VCL: variants seen among roughly 807,000 people sequenced by gnomAD.
The protein encoded by VCL is vinculin.
A neutral mutation model predicts 125.7 loss-of-function variants in VCL; 47 were observed. That is an observed-to-expected ratio of 0.37 (90% CI 0.30 to 0.48). VCL has a LOEUF of 0.48. VCL is among the 20% of genes least tolerant of loss of function. The pLI, the probability that VCL is intolerant of heterozygous loss-of-function variation, is 0.99. For missense variants in VCL, 1,069 were observed against 1,455.5 expected (o/e 0.73, Z 4.32); for synonymous variants, 458 against 514.6 (o/e 0.89, Z 1.49).
rs566961713 is a variant in VCL, at chr10:74,089,212, C to G, written c.1039C>G (p.Pro347Ala). The G allele has an allele frequency of 6.2e-7, 1 of 1,614,026 alleles. No homozygotes were observed. Among genetic ancestry groups the G allele is most frequent in the East Asian group, 2.2e-5 (1 of 44,872 alleles). ...TTTGAGCAGAGGACAAGGATCCTCACCGGTGGCCATGCAGAAAGCTCAGCA... is the reference window on the plus strand; with the variant it reads ...TTTGAGCAGAGGACAAGGATCCTCAGCGGTGGCCATGCAGAAAGCTCAGCA... The part of the protein sequence containing the change: ...DLRARGQGSS[P>A]VAMQKAQQVS... Residue 347 changes from proline (P) to alanine (A), a missense_variant, in exon 9 of 22, where the codon CCG (proline) becomes GCG (alanine). By Grantham distance (27) the Pro-to-Ala change is conservative. Transcript: ENST00000211998.
chr10:74,088,433 T>C (rs1477028079), intron 8 of VCL, among the ~76,000 whole-genome samples: 1 of 152,220 alleles, frequency 6.6e-6, no homozygotes, highest in Non-Finnish European at 1.5e-5. Context: ...CGATTATTTA[T>C]ATATTTATAG....
At chr10:74,114,438 CGTGTGT>C in intron 20 of VCL, 51 bp downstream of exon 20, 8 of 1,078,572 alleles carry the variant, frequency 7.4e-6, no homozygotes, top group South Asian at 1.5e-5. Context: ...TGTGTGTGTG[CGTGTGT>C]GTGTGTGTTG....
chr10:74,102,890 G>A (rs924458613), intron 14 of VCL, among the ~76,000 whole-genome samples: 4 of 151,166 alleles, frequency 2.6e-5, no homozygotes, highest in African/African-American at 4.9e-5. Context: ...TTTCCGAGAC[G>A]GAGTCTTGCT....
At chr10:74,058,315 T>C (rs1394394771) in intron 2 of VCL, among the ~76,000 whole-genome samples, 1 of 152,152 alleles carries the variant, frequency 6.6e-6, no homozygotes, top group Non-Finnish European at 1.5e-5. Context: ...TTTGATCAGA[T>C]ATGTTTGTGG....
chr10:74,067,793 G>A (rs957568592), intron 2 of VCL, among the ~76,000 whole-genome samples: 2 of 152,222 alleles, frequency 1.3e-5, no homozygotes, highest in African/African-American at 2.4e-5. Context: ...CAAATCCAGT[G>A]AGACAGAAAG....
chr10:74,081,327 G>A (rs188459474), intron 6 of VCL, among the ~76,000 whole-genome samples: 2 of 152,260 alleles, frequency 1.3e-5, no homozygotes, highest in African/African-American at 4.8e-5. Flanking sequence ...AACTATGGGT[G>A]CTGCCAATGC....
intron 18 of VCL, among the ~76,000 whole-genome samples, chr10:74,110,632 T>C (rs981472669): frequency 2.0e-5 from 3 of 152,240 alleles, no homozygotes; most frequent in African/African-American, 7.2e-5. Context: ...TTAGATGGTA[T>C]CTGAACCCCT....
intron 6 of VCL, among the ~76,000 whole-genome samples, chr10:74,081,908 TG>T (rs1839679768): frequency 1.3e-5 from 2 of 152,364 alleles, no homozygotes; most frequent in South Asian, 4.1e-4. Context: ...AAAATTAAAC[TG>T]CTAGATTAAC....
rs1554816691 is a variant in VCL at position 74,071,042 on chromosome 10, C to T, written c.458C>T (p.Thr153Ile). ...EYLTVAEVVE[T>I]MEDLVTYTKN... is the part of the protein sequence containing the mutation. ...CTTACAGTGGCAGAGGTGGTGGAGACTATGGAAGATTTGGTCACTTACACA... is the reference window on the plus strand; with the variant it reads ...CTTACAGTGGCAGAGGTGGTGGAGATTATGGAAGATTTGGTCACTTACACA... The change falls in exon 4 of 22, where the codon ACT (threonine) becomes ATT (isoleucine). Residue 153 changes from threonine to isoleucine, a missense_variant. Transcript: ENST00000211998. This position sits in a 1 kb window ranked among gnomAD's most constrained non-coding sequence, Gnocchi z 4.1. The T allele has an allele frequency of 6.2e-7, 1 of 1,614,096 alleles. No homozygotes were observed. The highest frequency in any genetic ancestry group is 8.5e-7 in the Non-Finnish European group (1 of 1,180,016).
In VCL at chr10:74,095,752, G is replaced by T. The variant is rs748044427; in HGVS notation, c.1640G>T (p.Arg547Leu). 8.7e-6 allele frequency: 14 copies of T among 1,614,224 alleles called. No homozygotes were observed. The highest frequency in any genetic ancestry group is 1.2e-5 in the Non-Finnish European group (14 of 1,180,036). The stretch of plus-strand genomic sequence containing the variant: ...CAAGATCTTCTCGCCAAGTGTGACC[G>T]AGTGGACCAGCTGACAGCCCAGCTG... ...YRQDLLAKCD[R>L]VDQLTAQLAD... is the part of the protein sequence containing the mutation. The change falls in exon 12 of 22, where the codon CGA (arginine) becomes CTA (leucine). Residue 547 changes from arginine to leucine, a missense_variant. This residue lies in a region of VCL where 760 missense variants were observed against 928.9 expected (regional missense o/e 0.82). Transcript: ENST00000211998.
chr10:74,108,677 A>G (rs1464865292), intron 17 of VCL, among the ~76,000 whole-genome samples: 1 of 152,028 alleles, frequency 6.6e-6, no homozygotes, highest in Non-Finnish European at 1.5e-5. Flanking sequence ...ATGGGGTTTC[A>G]CCATTTTGGG....
chr10:74,091,348 C>T (rs1227811216), intron 10 of VCL, among the ~76,000 whole-genome samples: 1 of 152,166 alleles, frequency 6.6e-6, no homozygotes, highest in Non-Finnish European at 1.5e-5. Flanking sequence ...TTACTTAATA[C>T]TATAGCACAC....
intron 1 of VCL, among the ~76,000 whole-genome samples, chr10:74,007,799 AT>A (rs1303827994): frequency 5.3e-5 from 8 of 149,770 alleles, no homozygotes; most frequent in African/African-American, 1.2e-4. Flanking sequence ...CTCAGCCTAA[AT>A]TTTTTTTTCC....
chr10:74,017,698 G>C (rs901101217), intron 1 of VCL, among the ~76,000 whole-genome samples: 1 of 150,574 alleles, frequency 6.6e-6, no homozygotes, highest in Non-Finnish European at 1.5e-5. Context: ...GACTACTACA[G>C]GTGCATGCCA....
rs758969419 is a variant in VCL, at chr10:74,112,038, A to G, written c.2875A>G (p.Asn959Asp). Residue 959 changes from asparagine to aspartate, a missense_variant, in exon 19 of 22, where the codon AAT (asparagine) becomes GAT (aspartate). Asn to Asp is a conservative substitution (Grantham distance 23). Around this residue, in one of 6 missense-constraint regions of VCL, gnomAD observed 86 missense variants for 91.0 expected, o/e 0.95. Coordinates refer to ENST00000211998, the MANE Select transcript of VCL (RefSeq NM_014000.3). ...ACCTGAGCTGCTGTTAATGCCATCC[A>G]ATCAGCCGGTCAACCAGCCCATTCT... is the stretch of plus-strand genomic sequence containing the variant. ...YEPELLLMPSNQPVNQPILAA... is the reference protein window; with the variant it reads ...YEPELLLMPSDQPVNQPILAA... 2 of 1,614,170 alleles carry G rather than the reference A, an allele frequency of 1.2e-6. No individual in the cohort carries two copies. The highest frequency in any genetic ancestry group is 1.7e-6 in the Non-Finnish European group (2 of 1,180,026).
intron 19 of VCL, among the ~76,000 whole-genome samples, chr10:74,112,597 A>T (rs1840244386): frequency 2.0e-5 from 3 of 152,084 alleles, no homozygotes; most frequent in Admixed American, 6.6e-5. Flanking sequence ...GCTGCCCTGC[A>T]CTTGGCTATG....
chr10:74,015,715 C>T (rs533977376), intron 1 of VCL, among the ~76,000 whole-genome samples: 5 of 150,556 alleles, frequency 3.3e-5, no homozygotes, highest in Non-Finnish European at 7.4e-5. Flanking sequence ...GAGGAAGTCT[C>T]ACTCTGTTGC....
intron 20 of VCL, 44 bp downstream of exon 20, chr10:74,114,431 G>T (rs1294637803): frequency 6.4e-7 from 1 of 1,570,700 alleles, no homozygotes; most frequent in Non-Finnish European, 8.7e-7. Flanking sequence ...GTGTGTGTGT[G>T]TGTGTGCGTG....
intron 1 of VCL, among the ~76,000 whole-genome samples, chr10:74,001,269 A>G (rs1840219173): frequency 6.6e-6 from 1 of 152,202 alleles, no homozygotes. Context: ...GATTCTGTAC[A>G]TGCTTCAAGA....
Sources: gnomAD v4.1 joint callset for allele counts (sites outside exome capture counted in the v4.1 genomes callset) on GRCh38, gnomAD v4.1.1 for gene constraint, gnomAD v4.1.1 regional missense constraint, Gnocchi (gnomAD v3.1) non-coding constraint, MANE v1.5 for transcripts, NCBI Gene and HGNC (gene_info 2026-07-23, HGNC 2026-07-21) for gene names.